CD2AP: variants seen among roughly 807,000 people sequenced by gnomAD.
The protein encoded by CD2AP is CD2-associated protein.
In CD2AP, 46 loss-of-function variants were observed where a neutral mutation model predicts 85.1. The observed-to-expected ratio is 0.54, with a 90% CI of 0.43 to 0.69. The LOEUF is 0.69. CD2AP is among the 30% of genes least tolerant of loss of function. CD2AP has a pLI of 0.00. For missense variants in CD2AP, 769 were observed against 729.5 expected (o/e 1.05, Z -0.62); for synonymous variants, 255 against 252.9 (o/e 1.01, Z -0.08).
At chr6:47,607,413 C>T (rs1315150608) in intron 14 of CD2AP, among the ~76,000 whole-genome samples, 1 of 152,038 alleles carries the variant, frequency 6.6e-6, no homozygotes, top group East Asian at 1.9e-4. Flanking sequence ...CATTTACATT[C>T]CCCCCAACAG....
intron 2 of CD2AP, among the ~76,000 whole-genome samples, chr6:47,518,274 C>A (rs1766503185): frequency 6.6e-6 from 1 of 152,168 alleles, no homozygotes; most frequent in African/African-American, 2.4e-5. Context: ...TGAGTTTTGA[C>A]AAATATACCT....
chr6:47,594,331 T>C (rs1265719793), intron 11 of CD2AP, among the ~76,000 whole-genome samples: 2 of 152,082 alleles, frequency 1.3e-5, no homozygotes, highest in Non-Finnish European at 2.9e-5. Context: ...CATCTTATAG[T>C]AGTTATATAA....
At chr6:47,521,117 C>T (rs183007251) in intron 2 of CD2AP, among the ~76,000 whole-genome samples, 1 of 152,236 alleles carries the variant, frequency 6.6e-6, no homozygotes, top group Admixed American at 6.5e-5. Flanking sequence ...AATAGGGAAA[C>T]ACCTACTCCA....
At chr6:47,611,994 G>T (rs1300186869) in intron 16 of CD2AP, among the ~76,000 whole-genome samples, 1 of 152,094 alleles carries the variant, frequency 6.6e-6, no homozygotes, top group African/African-American at 2.4e-5. Flanking sequence ...CTATTGGCTA[G>T]AGTTTTTAAT....
chr6:47,543,633 G>A (rs1767290977), intron 3 of CD2AP, among the ~76,000 whole-genome samples: 1 of 152,128 alleles, frequency 6.6e-6, no homozygotes, highest in African/African-American at 2.4e-5. Context: ...GAGGGTTGGG[G>A]AGGGCAATGG....
chr6:47,626,663 A>G lies in CD2AP; in HGVS notation c.*2436A>G, dbSNP rs1769917481. On this transcript the variant is annotated 3_prime_UTR_variant, in exon 18 of 18. Coordinates refer to ENST00000359314, the MANE Select transcript of CD2AP (RefSeq NM_012120.3). ...TACAGAATTTAAGTCTGAAGATGTAAAGAGAGAACAGGCCTTGTGTAACAG... is the reference window on the plus strand; with the variant it reads ...TACAGAATTTAAGTCTGAAGATGTAGAGAGAGAACAGGCCTTGTGTAACAG... 6.6e-6 allele frequency: 1 copy of G among 152,424 alleles called. No homozygotes were observed. Among genetic ancestry groups the G allele is most frequent in the Non-Finnish European group, 1.5e-5 (1 of 67,870 alleles). 9.4% of individuals were successfully genotyped at this position (152,424 alleles called of 1,614,324 possible).
At position 47,478,150 on chromosome 6, in the gene CD2AP, G is replaced by A; in HGVS notation, c.-95G>A. The A allele has an allele frequency of 2.0e-6, 3 of 1,471,866 alleles. No homozygotes were observed. The highest frequency in any genetic ancestry group is 2.8e-6 in the Non-Finnish European group (3 of 1,077,180). 91.2% of individuals were successfully genotyped at this position (1,471,866 alleles called of 1,614,324 possible). The stretch of plus-strand genomic sequence containing the variant: ...CAGGAGGGGCTAGCGCGGAGCGCGG[G>A]TCCCGCCTCCAGCCGCGGGAGCGGC... On this transcript the variant is annotated 5_prime_UTR_variant, in exon 1 of 18. Coordinates refer to ENST00000359314, the MANE Select transcript of CD2AP (RefSeq NM_012120.3).
intron 13 of CD2AP, 123 bp from the exon 14 acceptor site, chr6:47,606,042 G>T: frequency 1.6e-6 from 1 of 625,318 alleles, no homozygotes. Flanking sequence ...AGGTCAATTT[G>T]TGAGTTCTTC....
chr6:47,567,920 G>A (rs1385703116), intron 5 of CD2AP, among the ~76,000 whole-genome samples: 6 of 152,122 alleles, frequency 3.9e-5, no homozygotes, highest in Non-Finnish European at 8.8e-5. Context: ...TGCAATGTGG[G>A]GAGTAGATTG....
chr6:47,517,353 T>A (rs1315281254), intron 2 of CD2AP, among the ~76,000 whole-genome samples: 1 of 151,772 alleles, frequency 6.6e-6, no homozygotes, highest in East Asian at 1.9e-4. Flanking sequence ...TGCGGTGCGA[T>A]CACAGCTCGC....
At chr6:47,543,180 AAAAAAG>A (rs372247205) in intron 3 of CD2AP, among the ~76,000 whole-genome samples, 36,778 of 138,208 alleles carry the variant, frequency 0.27, 5,360 homozygotes, top group Middle Eastern at 0.42. Flanking sequence ...AAAGAAAAAG[AAAAAAG>A]AAAAAAAAGA....
intron 3 of CD2AP, among the ~76,000 whole-genome samples, chr6:47,540,619 T>C (rs186714548): frequency 2.6e-5 from 4 of 152,270 alleles, no homozygotes; most frequent in Admixed American, 2.6e-4. Context: ...GGAAAAATTA[T>C]GTTTAGTGTG....
Position 47,520,491 on chromosome 6 carries a change from TC to T in CD2AP, c.166-13109del, listed in dbSNP as rs1201806433. Among the ~76,000 whole-genome samples, 5 of 152,278 alleles carry T rather than the reference TC, an allele frequency of 3.3e-5. No individual in the cohort carries two copies. The East Asian group carries it at 7.7e-4, about 24-fold the overall frequency. ...AGGCAGATGTACTTCATTAGTGCTG[TC>T]CATATGGCCTCCGCTGACAGCAGGG... On this transcript the variant is annotated intron_variant, in intron 2 of 17. Coordinates refer to ENST00000359314, the MANE Select transcript of CD2AP (RefSeq NM_012120.3).
At chr6:47,545,484 C>T (rs1485934076) in intron 4 of CD2AP, among the ~76,000 whole-genome samples, 1 of 152,156 alleles carries the variant, frequency 6.6e-6, no homozygotes, top group African/African-American at 2.4e-5. Flanking sequence ...TCACCTGTTC[C>T]TCCCCATACT....
chr6:47,510,703 A>G (rs986877260), intron 2 of CD2AP, among the ~76,000 whole-genome samples: 3 of 152,144 alleles, frequency 2.0e-5, no homozygotes, highest in African/African-American at 7.2e-5. Context: ...TCCAAGTGAT[A>G]ATTCTAAATA....
At chr6:47,561,531 G>A (rs1767862040) in intron 5 of CD2AP, among the ~76,000 whole-genome samples, 1 of 151,818 alleles carries the variant, frequency 6.6e-6, no homozygotes, top group Non-Finnish European at 1.5e-5. Flanking sequence ...TAGAGGTGTG[G>A]TCATTGCTAC....
rs774081495 is a variant in CD2AP at position 47,599,401 on chromosome 6, G to C, written c.1375G>C (p.Val459Leu). Residue 459 changes from valine to leucine, a missense_variant, in exon 13 of 18, where the codon GTA becomes CTA. Physicochemically the swap from Val to Leu is conservative, Grantham distance 32. Coordinates refer to ENST00000359314, the MANE Select transcript of CD2AP (RefSeq NM_012120.3). ...ACAGCTGCCCCTTAGACCAAAATCAGTAGACTTTGATTCACTTACAGTAAG... is the reference window on the plus strand; with the variant it reads ...ACAGCTGCCCCTTAGACCAAAATCACTAGACTTTGATTCACTTACAGTAAG... ...SEQLPLRPKS[V>L]DFDSLTVRTS... 39 of 1,612,076 alleles carry C rather than the reference G, an allele frequency of 2.4e-5. No homozygotes were observed. In the Admixed American group the frequency reaches 6.5e-4, roughly 27 times the overall value.
At chr6:47,572,855 G>A (rs1452996067) in intron 5 of CD2AP, among the ~76,000 whole-genome samples, 3 of 152,144 alleles carry the variant, frequency 2.0e-5, no homozygotes, top group African/African-American at 7.2e-5. Flanking sequence ...CAAATGCCTG[G>A]TACAGAATTA....
intron 1 of CD2AP, among the ~76,000 whole-genome samples, chr6:47,482,279 G>GT (rs1582460160): frequency 6.6e-6 from 1 of 151,608 alleles, no homozygotes; most frequent in Non-Finnish European, 1.5e-5. Context: ...AATTTGAGTA[G>GT]TTTAAATTTT....
Sources: gnomAD v4.1 joint callset for allele counts (sites outside exome capture counted in the v4.1 genomes callset) on GRCh38, gnomAD v4.1.1 for gene constraint, MANE v1.5 for transcripts, NCBI Gene and HGNC (gene_info 2026-07-23, HGNC 2026-07-21) for gene names.